The following PDE4D variants were observed in gnomAD, a reference collection of about 807,000 sequenced individuals.
PDE4D encodes the protein phosphodiesterase 4D.
In PDE4D, 24 loss-of-function variants were observed where a neutral mutation model predicts 87.4. The ratio of observed to expected loss-of-function variants is 0.27; its 90% CI spans 0.20 to 0.39. The LOEUF (loss-of-function observed/expected upper bound fraction) is 0.39, where lower values mean the gene tolerates loss of function less well. PDE4D is among the 10% of genes least tolerant of loss of function. PDE4D has a pLI of 1.00. For synonymous variants in PDE4D, 384 were observed against 383.2 expected, an observed-to-expected ratio of 1.00 and a Z score of -0.02; for missense variants, 714 against 1,041.0, an observed-to-expected ratio of 0.69 and a Z score of 4.32.
intron 1 of PDE4D, among the ~76,000 whole-genome samples, chr5:59,387,013 C>T (rs1016600490): frequency 1.3e-5 from 2 of 152,128 alleles, no homozygotes; most frequent in African/African-American, 4.8e-5. Flanking sequence ...AAAAAAATCT[C>T]ATTTCCCAGA....
At chr5:59,351,134 T>C (rs1268559450) in intron 1 of PDE4D, among the ~76,000 whole-genome samples, 1 of 152,204 alleles carries the variant, frequency 6.6e-6, no homozygotes, top group East Asian at 1.9e-4. Context: ...TTCACGTACA[T>C]GCTTTCATCT....
Position 60,416,930 on chromosome 5 carries a change from T to C in PDE4D, c.-90+71012A>G, listed in dbSNP as rs149854925. ...ATATAAAGCCATTGAGATGTAGGGA[T>C]TGGCCTGTTAAAGTCTTCATGCTAC... On this transcript the variant is annotated intron_variant, in intron 1 of 16. Transcript: ENST00000502484. Among the ~76,000 whole-genome samples, 50 of 152,318 alleles carry C rather than the reference T, an allele frequency of 3.3e-4. No homozygotes were observed. The East Asian group carries it at 7.9e-3, about 24-fold the overall frequency.
chr5:60,258,880 C>G (rs1749363303), intron 1 of PDE4D, among the ~76,000 whole-genome samples: 4 of 151,738 alleles, frequency 2.6e-5, no homozygotes, highest in Middle Eastern at 3.2e-3. Context: ...AATCAGGACA[C>G]AAAATTATAT....
chr5:60,142,653 TA>T (rs1405101152), intron 2 of PDE4D, among the ~76,000 whole-genome samples: 2 of 152,184 alleles, frequency 1.3e-5, no homozygotes, highest in Non-Finnish European at 2.9e-5. Context: ...CATAGTATTA[TA>T]CACAAAGGGG....
intron 1 of PDE4D, among the ~76,000 whole-genome samples, chr5:59,290,753 T>C (rs2153555014): frequency 6.6e-6 from 1 of 152,026 alleles, no homozygotes; most frequent in East Asian, 1.9e-4. Context: ...ATTAATCTGA[T>C]TTAAAAATAG....
At chr5:60,147,049 T>C (rs948077252) in intron 2 of PDE4D, among the ~76,000 whole-genome samples, 1 of 152,102 alleles carries the variant, frequency 6.6e-6, no homozygotes, top group Non-Finnish European at 1.5e-5. Flanking sequence ...ACCATTCAAA[T>C]GAGCCACCAT....
intron 1 of PDE4D, among the ~76,000 whole-genome samples, chr5:59,765,560 C>T (rs143363678): frequency 1.5e-3 from 224 of 152,246 alleles, no homozygotes; most frequent in African/African-American, 5.0e-3. Flanking sequence ...CAGAAGAAAA[C>T]GAGTATAAGT....
intron 5 of PDE4D, among the ~76,000 whole-genome samples, chr5:59,143,711 A>G (rs2153456509): frequency 6.6e-6 from 1 of 152,330 alleles, no homozygotes; most frequent in East Asian, 1.9e-4. Flanking sequence ...TATCCTACCT[A>G]AGAAAATTAG....
intron 5 of PDE4D, among the ~76,000 whole-genome samples, chr5:59,151,587 T>C (rs1779482403): frequency 6.6e-6 from 1 of 152,192 alleles, no homozygotes. Flanking sequence ...ATGAAATTCC[T>C]CTTTATAATC....
intron 2 of PDE4D, among the ~76,000 whole-genome samples, chr5:59,208,979 A>T (rs1749463363): frequency 6.6e-6 from 1 of 152,194 alleles, no homozygotes; most frequent in South Asian, 2.1e-4. Flanking sequence ...TGGAAGAAAA[A>T]GCCTGGTCTA....
At chr5:59,402,460 G>A (rs1386286510) in intron 1 of PDE4D, among the ~76,000 whole-genome samples, 1 of 152,078 alleles carries the variant, frequency 6.6e-6, no homozygotes, top group Admixed American at 6.5e-5. Flanking sequence ...AACGGTCAGG[G>A]GTAGCCAGTC....
At chr5:59,518,454 G>T (rs991608469) in intron 1 of PDE4D, among the ~76,000 whole-genome samples, 1 of 152,096 alleles carries the variant, frequency 6.6e-6, no homozygotes, top group African/African-American at 2.4e-5. Flanking sequence ...TGTGCACTAT[G>T]GTGGCTGCCC....
At chr5:60,285,083 C>T (rs1752291492) in intron 1 of PDE4D, among the ~76,000 whole-genome samples, 1 of 151,940 alleles carries the variant, frequency 6.6e-6, no homozygotes, top group South Asian at 2.1e-4. Context: ...ATGATTGGCT[C>T]ACCTACATCT....
chr5:59,938,994 A>AT (rs1333398403), intron 3 of PDE4D, among the ~76,000 whole-genome samples: 2 of 152,210 alleles, frequency 1.3e-5, no homozygotes, highest in Non-Finnish European at 2.9e-5. Context: ...GTATATGAAG[A>AT]TAAAGTATGT....
At chr5:59,098,128 A>G (rs1770072036) in intron 5 of PDE4D, among the ~76,000 whole-genome samples, 1 of 152,174 alleles carries the variant, frequency 6.6e-6, no homozygotes, top group African/African-American at 2.4e-5. Flanking sequence ...CAATTTTTGT[A>G]CTAAACATTG....
At chr5:59,515,361 C>T (rs910060505) in intron 1 of PDE4D, among the ~76,000 whole-genome samples, 1 of 152,164 alleles carries the variant, frequency 6.6e-6, no homozygotes, top group Admixed American at 6.5e-5. Context: ...CCTGACCTAC[C>T]ACTGAACCAA....
intron 1 of PDE4D, among the ~76,000 whole-genome samples, chr5:59,852,599 TGA>T (rs967955094): frequency 1.3e-5 from 2 of 152,196 alleles, no homozygotes; most frequent in African/African-American, 4.8e-5. Flanking sequence ...TGTAATATCA[TGA>T]GAGAGTCAGC....
At chr5:59,016,891 C>T (rs138778110) in intron 6 of PDE4D, among the ~76,000 whole-genome samples, 126 of 151,784 alleles carry the variant, frequency 8.3e-4, no homozygotes, top group Non-Finnish European at 1.5e-3. Context: ...GGCAAAAAGA[C>T]AATAAACAAG....
At chr5:60,173,650 G>T (rs955858196) in intron 2 of PDE4D, among the ~76,000 whole-genome samples, 6 of 151,956 alleles carry the variant, frequency 3.9e-5, no homozygotes, top group Non-Finnish European at 8.8e-5. Flanking sequence ...GTTGTGAAAA[G>T]ACATAGATTC....
Sources: allele counts gnomAD v4.1 joint callset (sites outside exome capture counted in the v4.1 genomes callset), GRCh38; gene constraint gnomAD v4.1.1; transcripts MANE v1.5; gene names NCBI Gene and HGNC (gene_info 2026-07-23, HGNC 2026-07-21).